The following ZEB2 variants were observed in gnomAD, a reference collection of about 807,000 sequenced individuals.
ZEB2 encodes the protein zinc finger E-box-binding homeobox 2.
A neutral mutation model predicts 99.9 loss-of-function variants in ZEB2; 6 were observed. The observed-to-expected ratio is 0.06, with a 90% CI of 0.03 to 0.12. The LOEUF is 0.12. ZEB2 is among the 10% of genes least tolerant of loss of function. The pLI is 1.00. For synonymous variants in ZEB2, 517 were observed against 542.5 expected (o/e 0.95, Z 0.65); for missense variants, 969 against 1,502.8 (o/e 0.64, Z 5.87).
At chr2:144,421,215 A>T (rs1573736631) in intron 4 of ZEB2, among the ~76,000 whole-genome samples, 1 of 152,302 alleles carries the variant, frequency 6.6e-6, no homozygotes, top group East Asian at 1.9e-4. Context: ...CCATTCCAGG[A>T]TCCATGGCGA....
intron 2 of ZEB2, chr2:144,462,000 A>G (rs1016156654): frequency 2.0e-5 from 3 of 152,200 alleles, no homozygotes; most frequent in African/African-American, 7.2e-5. Context: ...TACCAATAAA[A>G]GCAGAAAATA....
intron 2 of ZEB2, among the ~76,000 whole-genome samples, chr2:144,505,841 C>T (rs996607371): frequency 1.3e-5 from 2 of 152,182 alleles, no homozygotes; most frequent in African/African-American, 2.4e-5. Context: ...TATAAAACTC[C>T]ACACATTTCT....
At chr2:144,428,543 G>T (rs1230703075) in intron 3 of ZEB2, 1 of 152,150 alleles carries the variant, frequency 6.6e-6, no homozygotes, top group African/African-American at 2.4e-5. Flanking sequence ...GCTGAGATTC[G>T]AGAAACCTTC....
intron 2 of ZEB2, among the ~76,000 whole-genome samples, chr2:144,479,884 A>G (rs1374329567): frequency 1.3e-5 from 2 of 152,100 alleles, no homozygotes; most frequent in East Asian, 1.9e-4. Context: ...ATTTCTATGC[A>G]GCTTGCCCAA....
chr2:144,486,963 A>G (rs1461034516), intron 2 of ZEB2, among the ~76,000 whole-genome samples: 1 of 152,214 alleles, frequency 6.6e-6, no homozygotes, highest in Non-Finnish European at 1.5e-5. Flanking sequence ...TGGTGATGGT[A>G]TTATTAAATG....
chr2:144,437,023 C>A (rs983410040), intron 2 of ZEB2, among the ~76,000 whole-genome samples: 1 of 152,046 alleles, frequency 6.6e-6, no homozygotes, highest in Admixed American at 6.6e-5. Flanking sequence ...GTTTTGATTA[C>A]CTTACTTAAC....
intron 2 of ZEB2, chr2:144,516,203 A>G (rs1456897096): frequency 6.8e-6 from 1 of 147,330 alleles, no homozygotes; most frequent in Non-Finnish European, 1.5e-5. Flanking sequence ...AAACTCAGTT[A>G]TCCTCCGTCA....
At chr2:144,439,320 G>A (rs1450893432) in intron 2 of ZEB2, among the ~76,000 whole-genome samples, 3 of 152,124 alleles carry the variant, frequency 2.0e-5, no homozygotes, top group African/African-American at 7.2e-5. Context: ...TCCCCAGGCT[G>A]CCCCAGGTCT....
At chr2:144,393,913 T>C (rs1703186071) in intron 9 of ZEB2, among the ~76,000 whole-genome samples, 1 of 152,144 alleles carries the variant, frequency 6.6e-6, no homozygotes, top group African/African-American at 2.4e-5. Context: ...ACAAAGTTTG[T>C]TTGTTTATTT....
intron 4 of ZEB2, among the ~76,000 whole-genome samples, chr2:144,421,013 CAG>C: frequency 6.6e-6 from 1 of 152,148 alleles, no homozygotes; most frequent in South Asian, 2.1e-4. Flanking sequence ...ACATGAGGGA[CAG>C]AGAACAGTCA....
Position 144,392,173 on chromosome 2 carries a change from G to A in ZEB2, c.3068-2145C>T, listed in dbSNP as rs113388100. 2.4e-3 allele frequency among the ~76,000 whole-genome samples: 372 copies of A among 152,278 alleles called. 3 individuals carry two copies. Among genetic ancestry groups the A allele is most frequent in the Non-Finnish European group, 4.5e-3 (307 of 68,010 alleles). ...ATTTTCTTGATGCTCTAGTTGCTACGGCGTGTATGGGCAAACTGTCCTACA... is the reference window on the plus strand; with the variant it reads ...ATTTTCTTGATGCTCTAGTTGCTACAGCGTGTATGGGCAAACTGTCCTACA... On this transcript the variant is annotated intron_variant, in intron 9 of 9. Coordinates refer to ENST00000627532, the MANE Select transcript of ZEB2 (RefSeq NM_014795.4).
intron 2 of ZEB2, among the ~76,000 whole-genome samples, chr2:144,501,668 T>C (rs1704871511): frequency 6.6e-6 from 1 of 152,188 alleles, no homozygotes; most frequent in South Asian, 2.1e-4. Flanking sequence ...GTTTGTCTCT[T>C]CCATAAACAG....
At chr2:144,476,253 G>A (rs1049263358) in intron 2 of ZEB2, among the ~76,000 whole-genome samples, 2 of 151,820 alleles carry the variant, frequency 1.3e-5, no homozygotes, top group African/African-American at 2.4e-5. Flanking sequence ...GGAATTAATC[G>A]AAATGAGATG....
At chr2:144,421,180 C>T (rs1703614174) in intron 4 of ZEB2, among the ~76,000 whole-genome samples, 1 of 152,160 alleles carries the variant, frequency 6.6e-6, no homozygotes, top group African/African-American at 2.4e-5. Context: ...TCGCTCATTT[C>T]TTCAGACACA....
At chr2:144,393,196 C>T (rs1193822201) in intron 9 of ZEB2, among the ~76,000 whole-genome samples, 1 of 152,256 alleles carries the variant, frequency 6.6e-6, no homozygotes. Context: ...TCAACATTTA[C>T]ATAGTGTTTC....
chr2:144,502,526 C>A (rs549748085), intron 2 of ZEB2, among the ~76,000 whole-genome samples: 1 of 152,280 alleles, frequency 6.6e-6, no homozygotes, highest in African/African-American at 2.4e-5. Context: ...CTCTGACCCA[C>A]TGCGCGTTCC....
At chr2:144,444,579 G>A (rs1184783285) in intron 2 of ZEB2, among the ~76,000 whole-genome samples, 1 of 152,204 alleles carries the variant, frequency 6.6e-6, no homozygotes, top group African/African-American at 2.4e-5. Flanking sequence ...TGATGCCCAG[G>A]CCCCTGAACA....
At chr2:144,430,509 T>C (rs989080690) in intron 2 of ZEB2, 1 of 194,246 alleles carries the variant, frequency 5.1e-6, no homozygotes. Context: ...TCCATCTATT[T>C]ACCCAAATAC....
At chr2:144,440,827 A>G (rs2149895809) in intron 2 of ZEB2, among the ~76,000 whole-genome samples, 1 of 151,888 alleles carries the variant, frequency 6.6e-6, no homozygotes, top group South Asian at 2.1e-4. Context: ...AGAGAAAATA[A>G]TGTCACGATT....
Sources: gnomAD v4.1 joint callset for allele counts (sites outside exome capture counted in the v4.1 genomes callset) on GRCh38, gnomAD v4.1.1 for gene constraint, MANE v1.5 for transcripts, NCBI Gene and HGNC (gene_info 2026-07-23, HGNC 2026-07-21) for gene names.